BCR: variants seen among roughly 807,000 people sequenced by gnomAD.
BCR encodes breakpoint cluster region protein.
In BCR, 58 loss-of-function variants were observed where a neutral mutation model predicts 138.6. The observed-to-expected ratio is 0.42, with a 90% CI of 0.34 to 0.52. BCR has a LOEUF of 0.52. Among genes scored for constraint, BCR ranks in the 20% least tolerant of loss-of-function variants. BCR has a pLI of 0.06. For missense variants in BCR, 1,599 were observed against 1,727.2 expected (o/e 0.93, Z 1.32); for synonymous variants, 786 against 730.1 (o/e 1.08, Z -1.23).
rs2074010388 is a variant in BCR at position 23,311,768 on chromosome 22, A to T, written c.3254A>T (p.Glu1085Val). The stretch of plus-strand genomic sequence containing the variant: ...GAGATCGAGCGCCGAGGCATGGAGG[A>T]GGTGGGCATCTACCGCGTGTCCGGT... ...VEEIERRGME[E>V]VGIYRVSGVA... Residue 1085 changes from glutamate to valine, a missense_variant, in exon 19 of 23, where the codon GAG (glutamate) becomes GTG (valine). Physicochemically the swap from Glu to Val is moderately radical, Grantham distance 121. This residue lies in a region of BCR where 26 missense variants were observed against 103.5 expected (regional missense o/e 0.25). Coordinates refer to ENST00000305877, the MANE Select transcript of BCR (RefSeq NM_004327.4). 1.9e-6 allele frequency: 3 copies of T among 1,611,612 alleles called. No homozygotes were observed. In the Admixed American group the frequency reaches 5.0e-5, roughly 27 times the overall value.
intron 5 of BCR, among the ~76,000 whole-genome samples, chr22:23,269,755 C>A (rs1568965159): frequency 6.6e-6 from 1 of 152,222 alleles, no homozygotes; most frequent in Non-Finnish European, 1.5e-5. Context: ...CCTCCTCCCC[C>A]ACAGCTGGAA....
At chr22:23,209,373 C>A (rs1289071961) in intron 1 of BCR, among the ~76,000 whole-genome samples, 1 of 151,622 alleles carries the variant, frequency 6.6e-6, no homozygotes, top group African/African-American at 2.4e-5. Flanking sequence ...AAAAAAGAAT[C>A]TCTTTTCTTT....
chr22:23,232,929 C>T (rs2072975026), intron 1 of BCR, among the ~76,000 whole-genome samples: 1 of 152,220 alleles, frequency 6.6e-6, no homozygotes, highest in Non-Finnish European at 1.5e-5. Flanking sequence ...AATGCCACAT[C>T]TGTGTGTGCA....
intron 1 of BCR, among the ~76,000 whole-genome samples, chr22:23,240,932 ATTTG>A (rs1317053104): frequency 1.3e-5 from 2 of 152,014 alleles, no homozygotes; most frequent in African/African-American, 2.4e-5. Context: ...ATCTTACGGT[ATTTG>A]TTTGTTTGTG....
chr22:23,222,106 G>A (rs571664238), intron 1 of BCR, among the ~76,000 whole-genome samples: 87 of 148,114 alleles, frequency 5.9e-4, no homozygotes, highest in Admixed American at 1.1e-3. Flanking sequence ...ACAAAAAAAA[G>A]AGAGAGAAGT....
At chr22:23,211,591 TCTCCTGCCTCAGC>T (rs1033585019) in intron 1 of BCR, among the ~76,000 whole-genome samples, 13 of 152,166 alleles carry the variant, frequency 8.5e-5, no homozygotes, top group Non-Finnish European at 1.5e-4. Flanking sequence ...GTTCAAGGAT[TCTCCTGCCTCAGC>T]CTCCCGAGCA....
At chr22:23,187,600 C>G (rs969771944) in intron 1 of BCR, among the ~76,000 whole-genome samples, 2 of 151,816 alleles carry the variant, frequency 1.3e-5, no homozygotes, top group African/African-American at 4.8e-5. Context: ...TCCCAAAGTG[C>G]TGGAATTACA....
chr22:23,195,996 T>C (rs895970410), intron 1 of BCR, among the ~76,000 whole-genome samples: 2 of 152,326 alleles, frequency 1.3e-5, no homozygotes, highest in East Asian at 3.9e-4. Context: ...TCCACAAAAA[T>C]GGAAAGACAG....
intron 1 of BCR, among the ~76,000 whole-genome samples, chr22:23,193,199 C>T (rs1380986977): frequency 6.6e-6 from 1 of 152,194 alleles, no homozygotes; most frequent in South Asian, 2.1e-4. Flanking sequence ...CTGCACATGA[C>T]GAGGTATTGA....
intron 1 of BCR, among the ~76,000 whole-genome samples, chr22:23,217,838 A>G (rs2072774492): frequency 6.6e-6 from 1 of 152,222 alleles, no homozygotes; most frequent in Admixed American, 6.5e-5. Context: ...ACTCCCATGA[A>G]GGCGGGGATC....
intron 1 of BCR, among the ~76,000 whole-genome samples, chr22:23,224,014 G>C (rs2072860120): frequency 6.6e-6 from 1 of 152,114 alleles, no homozygotes; most frequent in Non-Finnish European, 1.5e-5. Context: ...CTCACCCGCT[G>C]GTTTGGAGGG....
chr22:23,274,069 CCA>C (rs1455582938), intron 8 of BCR, among the ~76,000 whole-genome samples: 2 of 152,036 alleles, frequency 1.3e-5, no homozygotes, highest in African/African-American at 2.4e-5. Flanking sequence ...TTTTTATCCC[CCA>C]CAGTCTTGCC....
At chr22:23,199,398 A>G in intron 1 of BCR, 1 of 472,958 alleles carries the variant, frequency 2.1e-6, no homozygotes, top group Non-Finnish European at 4.2e-6. Flanking sequence ...CCACAGTCTC[A>G]GGTTCCAGAA....
At chr22:23,240,988 T>TCA (rs2073083940) in intron 1 of BCR, among the ~76,000 whole-genome samples, 1 of 152,230 alleles carries the variant, frequency 6.6e-6, no homozygotes, top group Non-Finnish European at 1.5e-5. Flanking sequence ...AAGGCCTATC[T>TCA]CAGTCAGCGT....
At chr22:23,183,829 A>G (rs191935248) in intron 1 of BCR, among the ~76,000 whole-genome samples, 29 of 152,338 alleles carry the variant, frequency 1.9e-4, no homozygotes, top group Non-Finnish European at 3.7e-4. Flanking sequence ...AGCCTTTCCT[A>G]CAGCTCCTGT....
chr22:23,312,308 C>T (rs1264784434), intron 19 of BCR: 1 of 181,690 alleles, frequency 5.5e-6, no homozygotes, highest in African/African-American at 2.3e-5. Context: ...AGGGTCCCTC[C>T]CAGCATCTTC....
intron 8 of BCR, 69 bp from the exon 9 acceptor site, chr22:23,283,908 G>A: frequency 6.8e-7 from 1 of 1,477,292 alleles, no homozygotes; most frequent in Non-Finnish European, 9.0e-7. Flanking sequence ...CTGCTGGGCT[G>A]GGAGGGCCGA....
chr22:23,192,414 T>C (rs1033049655), intron 1 of BCR, among the ~76,000 whole-genome samples: 1 of 152,206 alleles, frequency 6.6e-6, no homozygotes, highest in Non-Finnish European at 1.5e-5. Context: ...TTTGGGCACC[T>C]GCTGTGTTGG....
intron 9 of BCR, among the ~76,000 whole-genome samples, chr22:23,284,322 G>T (rs955823442): frequency 6.6e-6 from 1 of 152,046 alleles, no homozygotes; most frequent in East Asian, 1.9e-4. Flanking sequence ...GGGTAAACCC[G>T]ACCGTGGCTT....
Sources: gnomAD v4.1 joint callset for allele counts (sites outside exome capture counted in the v4.1 genomes callset) on GRCh38, gnomAD v4.1.1 for gene constraint, gnomAD v4.1.1 regional missense constraint, MANE v1.5 for transcripts, NCBI Gene and HGNC (gene_info 2026-07-23, HGNC 2026-07-21) for gene names.